The following L3MBTL4 variants were observed in gnomAD, a reference collection of about 807,000 sequenced individuals.
L3MBTL4 encodes the protein L3MBTL histone methyl-lysine binding protein 4.
In L3MBTL4, 70 loss-of-function variants were observed where a neutral mutation model predicts 84.5. That is an observed-to-expected ratio of 0.83 (90% CI 0.68 to 1.01). L3MBTL4 has a LOEUF of 1.01. Ranked by LOEUF, L3MBTL4 falls within the 50% of genes least tolerant of loss-of-function variation. The pLI, the probability that L3MBTL4 is intolerant of heterozygous loss-of-function variation, is 0.00. For synonymous variants in L3MBTL4, 274 were observed against 259.8 expected (o/e 1.05, Z -0.52); for missense variants, 715 against 754.8 (o/e 0.95, Z 0.62).
chr18:6,344,193 A>G lies in L3MBTL4; in HGVS notation c.-90-32137T>C, dbSNP rs183234179. Among the ~76,000 whole-genome samples, 242 of 152,282 alleles carry G rather than the reference A, an allele frequency of 1.6e-3. 1 individual carries two copies. Among genetic ancestry groups the G allele is most frequent in the Middle Eastern group, 0.014 (4 of 294 alleles). On this transcript the variant is annotated intron_variant, in intron 1 of 18. Coordinates refer to ENST00000317931, the MANE Select transcript of L3MBTL4 (RefSeq NM_001330559.2). The stretch of plus-strand genomic sequence containing the variant: ...AGAGATGATTCCAATAAATAAAATC[A>G]TAAATGAAATAAGAGACATTACAAC...
chr18:6,359,933 T>C (rs1164752721), intron 1 of L3MBTL4, among the ~76,000 whole-genome samples: 1 of 152,156 alleles, frequency 6.6e-6, no homozygotes, highest in African/African-American at 2.4e-5. Context: ...TCCTCCCTTC[T>C]TGCTTTCATA....
chr18:6,305,547 G>T (rs987990866), intron 3 of L3MBTL4, among the ~76,000 whole-genome samples: 23 of 152,098 alleles, frequency 1.5e-4, no homozygotes, highest in African/African-American at 5.3e-4. Flanking sequence ...AATACAAAAT[G>T]CGAAAAATAA....
chr18:6,361,454 C>G (rs991391137), intron 1 of L3MBTL4, among the ~76,000 whole-genome samples: 2 of 152,142 alleles, frequency 1.3e-5, no homozygotes, highest in African/African-American at 2.4e-5. Flanking sequence ...GCCCACAGAT[C>G]CAGGGGTGGC....
At chr18:6,117,920 T>C (rs2059405417) in intron 14 of L3MBTL4, among the ~76,000 whole-genome samples, 1 of 152,146 alleles carries the variant, frequency 6.6e-6, no homozygotes, top group Non-Finnish European at 1.5e-5. Flanking sequence ...AGCCCTTATG[T>C]TTACTGCATC....
intron 1 of L3MBTL4, among the ~76,000 whole-genome samples, chr18:6,348,392 T>C (rs2053021794): frequency 6.6e-6 from 1 of 152,034 alleles, no homozygotes; most frequent in African/African-American, 2.4e-5. Flanking sequence ...TACAACAGCA[T>C]GACCCCAACA....
At chr18:6,137,921 T>C (rs1165870981) in intron 14 of L3MBTL4, among the ~76,000 whole-genome samples, 2 of 152,188 alleles carry the variant, frequency 1.3e-5, no homozygotes, top group African/African-American at 4.8e-5. Flanking sequence ...TGGGTGTGTA[T>C]GACAGTGTGC....
chr18:6,351,097 G>C (rs1047957326), intron 1 of L3MBTL4, among the ~76,000 whole-genome samples: 20 of 152,136 alleles, frequency 1.3e-4, no homozygotes, highest in Non-Finnish European at 1.5e-5. Flanking sequence ...TCAAGAGGCT[G>C]AGGCAGAAGA....
intron 16 of L3MBTL4, among the ~76,000 whole-genome samples, chr18:5,984,223 T>C (rs905414860): frequency 1.3e-5 from 2 of 152,262 alleles, no homozygotes; most frequent in Non-Finnish European, 2.9e-5. Flanking sequence ...ATCTGAAATT[T>C]ATTTAAAGGC....
intron 16 of L3MBTL4, chr18:6,029,680 A>T: frequency 2.0e-6 from 2 of 985,332 alleles, no homozygotes; most frequent in Non-Finnish European, 2.4e-6. Flanking sequence ...GGAACAGCTT[A>T]CTATGGTCAA....
rs78318217 is a variant in L3MBTL4, at chr18:6,016,817, G to A, written c.1445-47255C>T. ...TTCCTGGTGAGGATGATAGCTGAACGGAGACCTGAAGGGTGAAGAGCCAAG... is the reference window on the plus strand; with the variant it reads ...TTCCTGGTGAGGATGATAGCTGAACAGAGACCTGAAGGGTGAAGAGCCAAG... On this transcript the variant is annotated intron_variant, in intron 16 of 18. Coordinates refer to ENST00000317931, the MANE Select transcript of L3MBTL4 (RefSeq NM_001330559.2). Among the ~76,000 whole-genome samples the A allele has an allele frequency of 1.2e-3, 189 of 152,326 alleles. 1 individual carries two copies. The highest frequency in any genetic ancestry group is 4.1e-3 in the African/African-American group (172 of 41,576).
At chr18:5,988,791 C>G (rs2053568714) in intron 16 of L3MBTL4, among the ~76,000 whole-genome samples, 1 of 152,148 alleles carries the variant, frequency 6.6e-6, no homozygotes, top group Non-Finnish European at 1.5e-5. Flanking sequence ...GATGCCCATA[C>G]CAATTAAAAG....
In L3MBTL4 at chr18:6,024,566, TC is replaced by T. The variant is rs558514599; in HGVS notation, c.1445-55005del. Among the ~76,000 whole-genome samples, 466 of 152,244 alleles carry T rather than the reference TC, an allele frequency of 3.1e-3. 3 individuals are homozygous for T. Among genetic ancestry groups the T allele is most frequent in the African/African-American group, 0.011 (449 of 41,542 alleles). Reference sequence around the variant, plus strand: ...CACAAAATATGCAAACTTCCTACTTTCCCCCCTCAAGGTACACTATCTGAAG... The same window carrying T: ...CACAAAATATGCAAACTTCCTACTTTCCCCCTCAAGGTACACTATCTGAAG... On this transcript the variant is annotated intron_variant, in intron 16 of 18. Transcript: ENST00000317931.
intron 1 of L3MBTL4, among the ~76,000 whole-genome samples, chr18:6,331,223 A>G (rs1194781873): frequency 1.3e-5 from 2 of 152,236 alleles, no homozygotes; most frequent in Non-Finnish European, 1.5e-5. Flanking sequence ...ATCATCCAAA[A>G]GGTTGTCCTA....
chr18:6,175,672 A>G (rs1414182902), intron 12 of L3MBTL4, among the ~76,000 whole-genome samples: 1 of 152,218 alleles, frequency 6.6e-6, no homozygotes, highest in Non-Finnish European at 1.5e-5. Flanking sequence ...CTAGAAATAG[A>G]AGGGAACTCC....
intron 1 of L3MBTL4, among the ~76,000 whole-genome samples, chr18:6,352,696 G>T (rs921196304): frequency 6.6e-6 from 1 of 152,102 alleles, no homozygotes; most frequent in African/African-American, 2.4e-5. Flanking sequence ...TTTCTGCCAG[G>T]AAAATGCAAA....
chr18:6,238,362 T>C (rs985097626), intron 9 of L3MBTL4, among the ~76,000 whole-genome samples: 9 of 152,046 alleles, frequency 5.9e-5, no homozygotes, highest in African/African-American at 1.2e-4. Flanking sequence ...TGAAACCCCG[T>C]CTCCACTAAA....
chr18:6,311,699 ACC>A, intron 2 of L3MBTL4, 43 bp from the exon 3 acceptor site: 1 of 1,110,422 alleles, frequency 9.0e-7, no homozygotes, highest in South Asian at 1.2e-5. Context: ...TGGGGGTGTG[ACC>A]CCTTCAGAAT....
chr18:6,144,370 G>C (rs1568195197), intron 13 of L3MBTL4, among the ~76,000 whole-genome samples: 1 of 152,114 alleles, frequency 6.6e-6, no homozygotes, highest in Non-Finnish European at 1.5e-5. Flanking sequence ...ATATCAAGCA[G>C]CATGAATAAC....
intron 10 of L3MBTL4, among the ~76,000 whole-genome samples, chr18:6,222,241 C>T (rs977852610): frequency 1.3e-5 from 2 of 152,132 alleles, no homozygotes; most frequent in Non-Finnish European, 2.9e-5. Flanking sequence ...AGATTTTTTA[C>T]TTGATCATTA....
Sources: gnomAD v4.1 joint callset for allele counts (sites outside exome capture counted in the v4.1 genomes callset) on GRCh38, gnomAD v4.1.1 for gene constraint, MANE v1.5 for transcripts, NCBI Gene and HGNC (gene_info 2026-07-23, HGNC 2026-07-21) for gene names.